The following DACH1 variants were observed in gnomAD, a reference collection of about 807,000 sequenced individuals.
The protein encoded by DACH1 is dachshund family transcription factor 1.
Under a neutral mutation model 54.2 loss-of-function variants are expected in DACH1, and 12 were observed. That is an observed-to-expected ratio of 0.22 (90% CI 0.14 to 0.36). The LOEUF (loss-of-function observed/expected upper bound fraction) is 0.36. Ranked by LOEUF, DACH1 falls within the 10% of genes least tolerant of loss-of-function variation. DACH1 has a pLI of 1.00. For synonymous variants in DACH1, 386 were observed against 366.2 expected (o/e 1.05, Z -0.62); for missense variants, 805 against 929.8 (o/e 0.87, Z 1.75).
intron 1 of DACH1, among the ~76,000 whole-genome samples, chr13:71,738,455 C>T (rs370098983): frequency 3.2e-4 from 49 of 152,046 alleles, no homozygotes; most frequent in Admixed American, 2.6e-4. Context: ...AAACTGTCTG[C>T]GTGAGGTGGC....
intron 1 of DACH1, among the ~76,000 whole-genome samples, chr13:71,803,794 T>C (rs994602036): frequency 6.6e-6 from 1 of 152,212 alleles, no homozygotes; most frequent in Non-Finnish European, 1.5e-5. Flanking sequence ...TCACTATCAA[T>C]GTAATCTAGC....
intron 1 of DACH1, among the ~76,000 whole-genome samples, chr13:71,740,124 A>G (rs749619046): frequency 1.2e-4 from 19 of 152,180 alleles, no homozygotes; most frequent in Non-Finnish European, 1.2e-4. Context: ...AGAATCCCAC[A>G]CGCAAAAGTA....
chr13:71,487,116 G>A (rs1229511110), intron 7 of DACH1, among the ~76,000 whole-genome samples: 23 of 152,110 alleles, frequency 1.5e-4, no homozygotes, highest in Admixed American at 3.3e-4. Flanking sequence ...CTCCCAAAGC[G>A]CTGGGATTAC....
At chr13:71,640,551 A>T (rs1481690387) in intron 2 of DACH1, among the ~76,000 whole-genome samples, 1 of 152,084 alleles carries the variant, frequency 6.6e-6, no homozygotes, top group Non-Finnish European at 1.5e-5. Context: ...AATTGAACTG[A>T]CATGCCTTGA....
chr13:71,810,613 T>G (rs1048692031), intron 1 of DACH1, among the ~76,000 whole-genome samples: 2 of 152,126 alleles, frequency 1.3e-5, no homozygotes, highest in Non-Finnish European at 2.9e-5. Flanking sequence ...TACTATGAAT[T>G]TGTGTGTAGA....
intron 1 of DACH1, among the ~76,000 whole-genome samples, chr13:71,801,972 G>A (rs918618616): frequency 6.6e-6 from 1 of 152,060 alleles, no homozygotes; most frequent in Non-Finnish European, 1.5e-5. Context: ...AGCGCACCCT[G>A]TCCATCTGTC....
At chr13:71,575,360 GA>G (rs942819166) in intron 3 of DACH1, among the ~76,000 whole-genome samples, 21 of 151,958 alleles carry the variant, frequency 1.4e-4, no homozygotes, top group African/African-American at 4.3e-4. Flanking sequence ...ATATGGAGTG[GA>G]AAAATATACA....
At chr13:71,497,160 T>C (rs570097167) in intron 6 of DACH1, among the ~76,000 whole-genome samples, 33 of 152,326 alleles carry the variant, frequency 2.2e-4, no homozygotes, top group African/African-American at 6.5e-4. Flanking sequence ...AATTAGATTA[T>C]GCATGTGAAA....
At chr13:71,630,972 A>G (rs1877057369) in intron 2 of DACH1, among the ~76,000 whole-genome samples, 1 of 152,174 alleles carries the variant, frequency 6.6e-6, no homozygotes, top group Non-Finnish European at 1.5e-5. Flanking sequence ...GTGGAAATGC[A>G]GCGACAGTTA....
At chr13:71,756,492 T>C (rs959817244) in intron 1 of DACH1, among the ~76,000 whole-genome samples, 10 of 151,734 alleles carry the variant, frequency 6.6e-5, no homozygotes, top group Non-Finnish European at 1.3e-4. Flanking sequence ...AAAGGACTTA[T>C]ATTATGGTTT....
At chr13:71,560,907 TATATAA>T (rs1884542632) in intron 4 of DACH1, among the ~76,000 whole-genome samples, 3 of 152,318 alleles carry the variant, frequency 2.0e-5, no homozygotes, top group Admixed American at 2.0e-4. Context: ...GGAAGAAAAC[TATATAA>T]AGTATGTAGA....
rs773230512 is a variant in DACH1 at position 71,475,812 on chromosome 13, T to G, written c.1908A>C (p.Ala636=). The G allele has an allele frequency of 6.8e-6, 11 of 1,613,630 alleles. No individual in the cohort carries two copies. Among genetic ancestry groups the G allele is most frequent in the Middle Eastern group, 3.3e-4 (2 of 6,058 alleles). Residue 636 remains alanine (A), a synonymous_variant, in exon 9 of 11, where the codon GCA becomes GCC. Coordinates refer to ENST00000613252, the MANE Select transcript of DACH1 (RefSeq NM_080759.6). ...CAAGTGCTTCCTGCAATTTTCTCTT[T>G]GCCTTCTTCTCCTTCTTTAGCCTCT... ...VQKRLKKEKK[A]KRKLQEALEF... is the part of the protein sequence containing the mutation.
intron 10 of DACH1, among the ~76,000 whole-genome samples, chr13:71,458,471 T>C (rs1298640307): frequency 1.3e-5 from 2 of 151,912 alleles, no homozygotes; most frequent in Admixed American, 6.6e-5. Flanking sequence ...GTGGATACTT[T>C]ATTAAATGAG....
At chr13:71,605,769 C>T (rs1566373397) in intron 3 of DACH1, among the ~76,000 whole-genome samples, 1 of 151,812 alleles carries the variant, frequency 6.6e-6, no homozygotes, top group Non-Finnish European at 1.5e-5. Flanking sequence ...TTTCCCCATG[C>T]AGAGTCTAGA....
At chr13:71,594,953 A>G (rs560611154) in intron 3 of DACH1, among the ~76,000 whole-genome samples, 1 of 152,300 alleles carries the variant, frequency 6.6e-6, no homozygotes, top group East Asian at 1.9e-4. Context: ...AATACATGGC[A>G]TATCAGATTG....
chr13:71,476,393 T>G (rs1375747192), intron 8 of DACH1, among the ~76,000 whole-genome samples: 1 of 152,182 alleles, frequency 6.6e-6, no homozygotes, highest in Non-Finnish European at 1.5e-5. Flanking sequence ...AAATATTTTT[T>G]GTACACTAGA....
intron 1 of DACH1, among the ~76,000 whole-genome samples, chr13:71,729,025 A>T (rs1044019788): frequency 3.6e-4 from 55 of 151,998 alleles, no homozygotes; most frequent in African/African-American, 1.3e-3. Context: ...TATTTAGTTC[A>T]TCCTACAAAA....
chr13:71,862,589 G>A (rs918516906), intron 1 of DACH1, among the ~76,000 whole-genome samples: 3 of 151,618 alleles, frequency 2.0e-5, no homozygotes, highest in African/African-American at 7.3e-5. Context: ...TAGCTTTACT[G>A]TCTAGCAGGT....
intron 6 of DACH1, among the ~76,000 whole-genome samples, chr13:71,497,954 A>G (rs575151933): frequency 3.3e-5 from 5 of 152,192 alleles, no homozygotes; most frequent in Admixed American, 1.3e-4. Flanking sequence ...TTGCAGAAAT[A>G]GACTGTGAAT....
Sources: gnomAD v4.1 joint callset for allele counts (sites outside exome capture counted in the v4.1 genomes callset) on GRCh38, gnomAD v4.1.1 for gene constraint, MANE v1.5 for transcripts, NCBI Gene and HGNC (gene_info 2026-07-23, HGNC 2026-07-21) for gene names.